The following NSD2 variants were observed in gnomAD, a reference collection of about 807,000 sequenced individuals.
NSD2 encodes the protein histone-lysine N-methyltransferase NSD2.
NSD2 carries 12 observed loss-of-function variants against 139.0 expected under a neutral mutation model. The ratio of observed to expected loss-of-function variants is 0.09; its 90% CI spans 0.06 to 0.14. The LOEUF is 0.14. Among genes scored for constraint, NSD2 ranks in the 10% least tolerant of loss-of-function variants. The pLI is 1.00. For missense variants in NSD2, 1,155 were observed against 1,745.0 expected (o/e 0.66, Z 6.02); for synonymous variants, 669 against 648.7 (o/e 1.03, Z -0.48).
intron 7 of NSD2, among the ~76,000 whole-genome samples, chr4:1,936,891 T>A (rs1471731586): frequency 6.6e-6 from 1 of 152,208 alleles, no homozygotes; most frequent in Non-Finnish European, 1.5e-5. Context: ...AGGCAGGCCC[T>A]GCGCCATTTT....
At position 1,976,548 on chromosome 4, in the gene NSD2, G is replaced by C; in HGVS notation, c.3695G>C (p.Gly1232Ala). The change falls in exon 21 of 22, where the codon GGG becomes GCG. Residue 1232 changes from glycine to alanine, a missense_variant. Around this residue, in one of 8 missense-constraint regions of NSD2, gnomAD observed 39 missense variants for 43.5 expected, o/e 0.90. Transcript: ENST00000508803. This position sits in a 1 kb window ranked among gnomAD's most constrained non-coding sequence, Gnocchi z 5.3. ...KKKTRRRRAK[G>A]EGKRQSEDEC... is the part of the protein sequence containing the mutation. ...AAAACGAGGCGGCGCAGAGCAAAAG[G>C]GGAAGGGAAGAGGCAGTCAGAGGAC... 1 of 1,613,968 alleles carries C rather than the reference G, an allele frequency of 6.2e-7. No individual in the cohort carries two copies. The highest frequency in any genetic ancestry group is 8.5e-7 in the Non-Finnish European group (1 of 1,179,950).
At position 1,918,522 on chromosome 4, in the gene NSD2, TCTCCTC is replaced by T. The variant is rs1477864421; in HGVS notation, c.1312_1317del (p.Pro438_Pro439del). 6.2e-7 allele frequency: 1 copy of T among 1,613,476 alleles called. No individual in the cohort carries two copies. Among genetic ancestry groups the T allele is most frequent in the East Asian group, 2.2e-5 (1 of 44,874 alleles). On this transcript the variant is annotated inframe_deletion, in exon 5 of 22. Transcript: ENST00000508803. ...GGCTGACCCCAGAAGAGGAGTAGGG[TCTCCTC>T]CTGGGAGGAAGAAGACCACAGTCTC...
At chr4:1,879,471 G>A (rs1023632355) in intron 1 of NSD2, among the ~76,000 whole-genome samples, 2 of 152,010 alleles carry the variant, frequency 1.3e-5, no homozygotes, top group South Asian at 4.1e-4. Context: ...CGCCCGCCTC[G>A]GCCTCCCAAA....
At position 1,953,332 on chromosome 4, in the gene NSD2, T is replaced by C. The variant is rs748174351; in HGVS notation, c.2146T>C (p.Ser716Pro). The change falls in exon 12 of 22, where the codon TCA (serine) becomes CCA (proline). Residue 716 changes from serine to proline, a missense_variant. Transcript: ENST00000508803. ...TCSECASGIH[S>P]CFVCKESKTD... Reference sequence around the variant, plus strand: ...CTTTAACTTTTTGTTAGGGATTCACTCATGTTTCGTGTGTAAAGAGAGCAA... The same window carrying C: ...CTTTAACTTTTTGTTAGGGATTCACCCATGTTTCGTGTGTAAAGAGAGCAA... 1 of 1,614,230 alleles carries C rather than the reference T, an allele frequency of 6.2e-7. No homozygotes were observed. The highest frequency in any genetic ancestry group is 1.1e-5 in the South Asian group (1 of 91,086).
At chr4:1,901,930 C>T (rs1349000153) in intron 2 of NSD2, among the ~76,000 whole-genome samples, 1 of 152,220 alleles carries the variant, frequency 6.6e-6, no homozygotes, top group Non-Finnish European at 1.5e-5. Flanking sequence ...CTGCTCCATT[C>T]TGCCTGGTGA....
At chr4:1,953,595 G>A in intron 12 of NSD2, 71 bp downstream of exon 12, 1 of 1,500,806 alleles carries the variant, frequency 6.7e-7, no homozygotes, top group Non-Finnish European at 8.9e-7. Context: ...GGGCGCTTGG[G>A]AAGGTGGGCT....
chr4:1,916,432 G>A (rs1719405218), intron 3 of NSD2, among the ~76,000 whole-genome samples: 3 of 152,024 alleles, frequency 2.0e-5, no homozygotes, highest in Admixed American at 2.0e-4. Context: ...TGCAACATGT[G>A]CCTCCCAGGC....
At chr4:1,943,336 G>A (rs1196173902) in intron 9 of NSD2, 1 of 1,043,190 alleles carries the variant, frequency 9.6e-7, no homozygotes, top group Non-Finnish European at 1.2e-6. Context: ...AAACCATTAA[G>A]TAATGTAACG....
chr4:1,977,163 G>A (rs1453502523), intron 21 of NSD2, among the ~76,000 whole-genome samples: 1 of 152,252 alleles, frequency 6.6e-6, no homozygotes, highest in Non-Finnish European at 1.5e-5. Context: ...AGATGGTGCT[G>A]TGCACCAGGA....
intron 18 of NSD2, among the ~76,000 whole-genome samples, chr4:1,968,676 G>A (rs1726130970): frequency 6.6e-6 from 1 of 152,104 alleles, no homozygotes; most frequent in South Asian, 2.1e-4. Flanking sequence ...ATATGTAAGT[G>A]GTTTAAATGT....
At position 1,924,559 on chromosome 4, in the gene NSD2, G is replaced by T. The variant is rs559361503; in HGVS notation, c.1410+5936G>T. Among the ~76,000 whole-genome samples the T allele has an allele frequency of 3.3e-5, 5 of 152,188 alleles. No homozygotes were observed. In the South Asian group the frequency reaches 1.0e-3, roughly 32 times the overall value. On this transcript the variant is annotated intron_variant, in intron 5 of 21. Coordinates refer to ENST00000508803, the MANE Select transcript of NSD2 (RefSeq NM_001042424.3). ...GCTAAGAAATGTGCTAAAAATGAAA[G>T]TCTGGATTGGCACTATACTAAAAGT... is the stretch of plus-strand genomic sequence containing the variant.
At chr4:1,927,753 G>A (rs780182462) in intron 5 of NSD2, among the ~76,000 whole-genome samples, 7 of 140,446 alleles carry the variant, frequency 5.0e-5, no homozygotes, top group Non-Finnish European at 7.6e-5. Flanking sequence ...AAAAAAAGCC[G>A]TGTAGGGAGC....
intron 1 of NSD2, among the ~76,000 whole-genome samples, chr4:1,872,218 A>G (rs998665325): frequency 8.6e-5 from 13 of 151,774 alleles, no homozygotes; most frequent in African/African-American, 3.1e-4. Flanking sequence ...GGGTGTGGGT[A>G]CCCTGCTGGG....
intron 8 of NSD2, among the ~76,000 whole-genome samples, chr4:1,939,016 C>T (rs1032567200): frequency 2.6e-5 from 4 of 152,160 alleles, no homozygotes; most frequent in African/African-American, 9.7e-5. Flanking sequence ...GGAAATTACA[C>T]TTCCTTTTAC....
chr4:1,906,482 C>T (rs769888096), intron 3 of NSD2, among the ~76,000 whole-genome samples: 9 of 151,856 alleles, frequency 5.9e-5, no homozygotes, highest in Non-Finnish European at 1.2e-4. Flanking sequence ...CCCAGTGATC[C>T]GCTTGCCTCG....
chr4:1,929,567 T>C (rs1319590133), intron 5 of NSD2, among the ~76,000 whole-genome samples: 1 of 152,204 alleles, frequency 6.6e-6, no homozygotes, highest in Non-Finnish European at 1.5e-5. Context: ...TCAGCTCTGC[T>C]GTTGTGGCAG....
At chr4:1,873,173 G>T (rs575432818) in intron 1 of NSD2, among the ~76,000 whole-genome samples, 1 of 152,340 alleles carries the variant, frequency 6.6e-6, no homozygotes, top group Admixed American at 6.5e-5. Flanking sequence ...ATGGTTGGTA[G>T]AGTGAGGACT....
At chr4:1,944,700 T>TAGAAAAACTAAC (rs1723440716) in intron 9 of NSD2, 1 of 1,064,496 alleles carries the variant, frequency 9.4e-7, no homozygotes, top group Non-Finnish European at 1.1e-6. Context: ...CCTGAATTGT[T>TAGAAAAACTAAC]TTTCTAAGAC....
At chr4:1,932,396 G>A (rs997361884) in intron 6 of NSD2, among the ~76,000 whole-genome samples, 5 of 140,334 alleles carry the variant, frequency 3.6e-5, no homozygotes, top group African/African-American at 1.1e-4. Context: ...GCAAGATCAC[G>A]CCACTGCACT....
Sources: gnomAD v4.1 joint callset for allele counts (sites outside exome capture counted in the v4.1 genomes callset) on GRCh38, gnomAD v4.1.1 for gene constraint, gnomAD v4.1.1 regional missense constraint, Gnocchi (gnomAD v3.1) non-coding constraint, MANE v1.5 for transcripts, NCBI Gene and HGNC (gene_info 2026-07-23, HGNC 2026-07-21) for gene names.